The following EDA variants were observed in gnomAD, a reference collection of about 807,000 sequenced individuals.
The protein encoded by EDA is ectodysplasin-A.
Under a neutral mutation model 23.6 loss-of-function variants are expected in EDA, and 2 were observed. The observed-to-expected ratio is 0.08, with a 90% confidence interval of 0.03 to 0.27. The LOEUF is 0.27. Ranked by LOEUF, EDA falls within the 10% of genes least tolerant of loss-of-function variation. The pLI, the probability that EDA is intolerant of heterozygous loss-of-function variation, is 1.00. For synonymous variants in EDA, 131 were observed against 132.0 expected (o/e 0.99, Z 0.05); for missense variants, 229 against 324.2 (o/e 0.71, Z 2.26).
At chrX:70,003,505 A>G (rs904052534) in intron 2 of EDA, among the ~76,000 whole-genome samples, 50 of 111,940 alleles carry the variant, frequency 4.5e-4, no homozygotes, top group African/African-American at 1.6e-3. Context: ...ATTTTCATAA[A>G]TGAAAAAACT....
chrX:69,690,760 C>T (rs1392772492), intron 1 of EDA, among the ~76,000 whole-genome samples: 1 of 111,743 alleles, frequency 8.9e-6, no homozygotes, highest in Non-Finnish European at 1.9e-5. Context: ...GCCATGTAAG[C>T]CTAGGCTTTT....
chrX:69,965,890 T>G (rs148948267), intron 2 of EDA, among the ~76,000 whole-genome samples: 8 of 111,279 alleles, frequency 7.2e-5, no homozygotes, highest in Non-Finnish European at 1.3e-4. Flanking sequence ...CTACAAAAAT[T>G]TTTTTTATTA....
intron 1 of EDA, among the ~76,000 whole-genome samples, chrX:69,924,572 C>G (rs2018484274): frequency 9.0e-6 from 1 of 111,553 alleles, no homozygotes; most frequent in South Asian, 3.8e-4. Context: ...AGTTTGAAGT[C>G]AGGTAATGTG....
In EDA at chrX:69,841,244, G is replaced by A. The variant is rs994957056; in HGVS notation, c.397-115783G>A. Among the ~76,000 whole-genome samples, 6 of 111,980 alleles carry A rather than the reference G, an allele frequency of 5.4e-5. No homozygotes were observed. The South Asian group carries it at 1.9e-3, about 35-fold the overall frequency. ...ATTAGCCTTGTTACTATGGTCAATAGTAGAGGAGAACAGCAAGAGGAATTT... is the reference window on the plus strand; with the variant it reads ...ATTAGCCTTGTTACTATGGTCAATAATAGAGGAGAACAGCAAGAGGAATTT... On this transcript the variant is annotated intron_variant, in intron 1 of 7. Coordinates refer to ENST00000374552, the MANE Select transcript of EDA (RefSeq NM_001399.5).
intron 1 of EDA, among the ~76,000 whole-genome samples, chrX:69,894,180 G>C (rs2017974209): frequency 9.0e-6 from 1 of 111,474 alleles, no homozygotes; most frequent in East Asian, 2.8e-4. Context: ...TTCCCCCATT[G>C]CTTTTGTCGA....
chrX:69,749,919 GTTC>G (rs1448537714), intron 1 of EDA, among the ~76,000 whole-genome samples: 1 of 48,604 alleles, frequency 2.1e-5, no homozygotes, highest in Non-Finnish European at 3.2e-5. Flanking sequence ...TCTCACTAAG[GTTC>G]TTTTTTTTTT....
intron 1 of EDA, among the ~76,000 whole-genome samples, chrX:69,624,892 A>G (rs1217927039): frequency 9.2e-6 from 1 of 109,231 alleles, no homozygotes; most frequent in African/African-American, 3.3e-5. Context: ...TTTATCCTGC[A>G]TTTTGGCTTT....
At chrX:69,683,318 G>C (rs1267347457) in intron 1 of EDA, among the ~76,000 whole-genome samples, 1 of 110,879 alleles carries the variant, frequency 9.0e-6, no homozygotes, top group Non-Finnish European at 1.9e-5. Flanking sequence ...ACAGTGCCTG[G>C]CATATAATAA....
chrX:69,677,514 C>T (rs1427008933), intron 1 of EDA, among the ~76,000 whole-genome samples: 46 of 110,513 alleles, frequency 4.2e-4, no homozygotes, highest in South Asian at 3.9e-3. Flanking sequence ...TTTTAATGAT[C>T]GCCATTCTAA....
chrX:69,665,826 G>T (rs1161965944), intron 1 of EDA, among the ~76,000 whole-genome samples: 1 of 111,185 alleles, frequency 9.0e-6, no homozygotes, highest in African/African-American at 3.3e-5. Flanking sequence ...CAAATTTTAG[G>T]ATAGTTTTTG....
At chrX:70,033,568 A>G in intron 7 of EDA, 40 bp downstream of exon 7, 1 of 1,198,561 alleles carries the variant, frequency 8.3e-7, no homozygotes, top group Non-Finnish European at 1.1e-6. Flanking sequence ...TATATCCAGA[A>G]TGCAGATCCG....
At chrX:69,743,752 G>A (rs753916303) in intron 1 of EDA, among the ~76,000 whole-genome samples, 25 of 111,897 alleles carry the variant, frequency 2.2e-4, no homozygotes, top group Non-Finnish European at 1.9e-4. Context: ...GTAAGTAAAT[G>A]TGTTCAATAT....
At chrX:69,674,512 CCAA>C (rs1040043497) in intron 1 of EDA, among the ~76,000 whole-genome samples, 5 of 111,897 alleles carry the variant, frequency 4.5e-5, no homozygotes, top group African/African-American at 1.3e-4. Context: ...TTTACTATTA[CCAA>C]CAACAATGTA....
chrX:69,787,426 G>C (rs950067931), intron 1 of EDA, among the ~76,000 whole-genome samples: 7 of 106,315 alleles, frequency 6.6e-5, no homozygotes, highest in African/African-American at 1.7e-4. Flanking sequence ...GTGGTGGCTG[G>C]TACCGGTTGT....
Position 70,035,630 on chromosome X carries a change from G to A in EDA, c.*21G>A, listed in dbSNP as rs769750908. 3.7e-5 allele frequency: 45 copies of A among 1,201,684 alleles called. No homozygotes were observed. Among genetic ancestry groups the A allele is most frequent in the Admixed American group, 1.1e-4 (5 of 44,477 alleles). On this transcript the variant is annotated 3_prime_UTR_variant, in exon 8 of 8. Transcript: ENST00000374552. ...CCTAGATTCCCCCCATTTTGCCTCT[G>A]TCCGTGCCCCTTCCCTGGGTTTGGG...
intron 1 of EDA, among the ~76,000 whole-genome samples, chrX:69,646,613 A>G (rs1013148868): frequency 8.1e-5 from 9 of 111,783 alleles, no homozygotes; most frequent in African/African-American, 2.9e-4. Flanking sequence ...AGCAATACCA[A>G]TGGGTCTTGG....
At chrX:69,869,325 G>A (rs2017531749) in intron 1 of EDA, among the ~76,000 whole-genome samples, 1 of 111,087 alleles carries the variant, frequency 9.0e-6, no homozygotes, top group African/African-American at 3.3e-5. Context: ...GACGTTTTGG[G>A]TCCCCTGGAA....
At chrX:69,864,228 G>A (rs2017448248) in intron 1 of EDA, among the ~76,000 whole-genome samples, 1 of 111,444 alleles carries the variant, frequency 9.0e-6, no homozygotes, top group Admixed American at 9.5e-5. Flanking sequence ...CACTGGAGCA[G>A]GTGCTGGTAC....
intron 1 of EDA, among the ~76,000 whole-genome samples, chrX:69,874,477 A>G (rs2017613796): frequency 8.9e-6 from 1 of 112,109 alleles, no homozygotes; most frequent in South Asian, 3.8e-4. Context: ...CAAAATCAGC[A>G]TACAAGGGAC....
Sources: gnomAD v4.1 joint callset for allele counts (sites outside exome capture counted in the v4.1 genomes callset) on GRCh38, gnomAD v4.1.1 for gene constraint, MANE v1.5 for transcripts, NCBI Gene and HGNC (gene_info 2026-07-23, HGNC 2026-07-21) for gene names.